MMP26: variants seen among roughly 807,000 people sequenced by gnomAD.
MMP26 encodes matrix metalloproteinase-26.
MMP26 carries 33 observed loss-of-function variants against 31.0 expected under a neutral mutation model. The ratio of observed to expected loss-of-function variants is 1.06; its 90% CI spans 0.81 to 1.42. The LOEUF (loss-of-function observed/expected upper bound fraction) is 1.42. MMP26 is among the 40% of genes most tolerant of loss of function. The probability of loss-of-function intolerance (pLI) is 0.00; values close to 1 mark genes in which losing one functional copy is unlikely to be tolerated. For missense variants in MMP26, 347 were observed against 316.1 expected, an observed-to-expected ratio of 1.10 and a Z score of -0.74; for synonymous variants, 122 against 114.9, an observed-to-expected ratio of 1.06 and a Z score of -0.40.
intron 2 of MMP26, among the ~76,000 whole-genome samples, chr11:4,869,041 C>T (rs1249552319): frequency 6.6e-6 from 1 of 152,170 alleles, no homozygotes; most frequent in Non-Finnish European, 1.5e-5. Context: ...CTGGATCCTT[C>T]CTTACACCTT....
chr11:4,933,311 C>T (rs185091250), intron 2 of MMP26, among the ~76,000 whole-genome samples: 3 of 151,912 alleles, frequency 2.0e-5, no homozygotes, highest in Admixed American at 6.6e-5. Context: ...TGCTCGCAAC[C>T]GGTATGAAGT....
chr11:4,791,818 C>T (rs74908490), intron 2 of MMP26, among the ~76,000 whole-genome samples: 6,723 of 152,086 alleles, frequency 0.044, 222 homozygotes, highest in South Asian at 0.073. Context: ...TCTTTTTTCT[C>T]AGATTCCTGC....
intron 1 of MMP26, among the ~76,000 whole-genome samples, chr11:4,743,190 G>C (rs1056324154): frequency 2.0e-5 from 3 of 152,108 alleles, no homozygotes; most frequent in Non-Finnish European, 2.9e-5. Context: ...GCTGTATACT[G>C]TCACTGTCCC....
At chr11:4,962,766 G>T (rs1235344446) in intron 2 of MMP26, among the ~76,000 whole-genome samples, 1 of 152,144 alleles carries the variant, frequency 6.6e-6, no homozygotes, top group Admixed American at 6.5e-5. Flanking sequence ...GACAAGTTGG[G>T]GTACTGGCAT....
chr11:4,926,953 T>C (rs1456597029), intron 2 of MMP26, among the ~76,000 whole-genome samples: 2 of 152,178 alleles, frequency 1.3e-5, no homozygotes, highest in African/African-American at 4.8e-5. Flanking sequence ...TAGTTTTTAG[T>C]GCAGCTATTG....
intron 2 of MMP26, chr11:4,863,523 C>T (rs1850193389): frequency 6.6e-6 from 1 of 152,148 alleles, no homozygotes; most frequent in Non-Finnish European, 1.5e-5. Context: ...TGTAGAATTT[C>T]ATCAGGATTT....
At chr11:4,836,016 A>G (rs1849714695) in intron 2 of MMP26, among the ~76,000 whole-genome samples, 1 of 152,090 alleles carries the variant, frequency 6.6e-6, no homozygotes, top group African/African-American at 2.4e-5. Flanking sequence ...TTAAGCAAAT[A>G]ATTTTATTGG....
intron 1 of MMP26, chr11:4,710,552 T>G (rs992069215): frequency 3.4e-5 from 13 of 385,132 alleles, no homozygotes; most frequent in African/African-American, 2.7e-4. Flanking sequence ...AAGTCTTCCC[T>G]GACCCATGTT....
intron 1 of MMP26, among the ~76,000 whole-genome samples, chr11:4,728,352 C>G (rs952484816): frequency 1.2e-4 from 18 of 152,204 alleles, no homozygotes; most frequent in African/African-American, 4.3e-4. Flanking sequence ...AGCTGAGTCC[C>G]TCTCTAGAAA....
chr11:4,709,529 A>G, intron 1 of MMP26: 1 of 398,544 alleles, frequency 2.5e-6, no homozygotes, highest in Non-Finnish European at 5.0e-6. Context: ...ATTACAGGAC[A>G]TAGTTCTTTT....
At chr11:4,793,944 A>G (rs1849067486) in intron 2 of MMP26, 1 of 152,218 alleles carries the variant, frequency 6.6e-6, no homozygotes, top group African/African-American at 2.4e-5. Context: ...GGAGTAGAAT[A>G]CTGAGATGTG....
At chr11:4,881,058 G>A (rs1850454127) in intron 2 of MMP26, among the ~76,000 whole-genome samples, 2 of 152,144 alleles carry the variant, frequency 1.3e-5, no homozygotes, top group Non-Finnish European at 2.9e-5. Context: ...TGTACCTGAA[G>A]AGAGAAAGCA....
intron 1 of MMP26, among the ~76,000 whole-genome samples, chr11:4,727,046 G>T (rs149725974): frequency 7.9e-5 from 12 of 151,722 alleles, no homozygotes; most frequent in East Asian, 3.9e-4. Context: ...ACAAAAATCC[G>T]TAAAAAACAA....
chr11:4,936,999 A>AT (rs981598395), intron 2 of MMP26, among the ~76,000 whole-genome samples: 4 of 152,112 alleles, frequency 2.6e-5, no homozygotes, highest in African/African-American at 4.8e-5. Context: ...CTTACTAGGC[A>AT]TTTTTTTGCT....
At chr11:4,754,096 A>AT (rs371054284) in intron 1 of MMP26, among the ~76,000 whole-genome samples, 4,686 of 141,774 alleles carry the variant, frequency 0.033, 185 homozygotes, top group African/African-American at 0.089. Context: ...TAAAAGAGAG[A>AT]TTTTTTTTTT....
intron 1 of MMP26, among the ~76,000 whole-genome samples, chr11:4,751,379 G>A (rs1564901036): frequency 6.6e-6 from 1 of 152,044 alleles, no homozygotes; most frequent in Non-Finnish European, 1.5e-5. Flanking sequence ...TATGAGGAGA[G>A]AACAAATATC....
At chr11:4,746,878 A>AC (rs1848389339) in intron 1 of MMP26, among the ~76,000 whole-genome samples, 4 of 127,188 alleles carry the variant, frequency 3.1e-5, no homozygotes, top group Admixed American at 1.7e-4. Flanking sequence ...CACACACACA[A>AC]AGGCTATACA....
At chr11:4,765,061 T>G (rs919850998) in intron 1 of MMP26, among the ~76,000 whole-genome samples, 1 of 152,164 alleles carries the variant, frequency 6.6e-6, no homozygotes, top group East Asian at 1.9e-4. Flanking sequence ...GGCTTCTCCT[T>G]GTAACTCCTT....
chr11:4,908,082 A>G (rs147651359), intron 2 of MMP26: 6 of 1,614,074 alleles, frequency 3.7e-6, no homozygotes, highest in Non-Finnish European at 5.1e-6. Flanking sequence ...AAGGCCCTAA[A>G]TACCTGTGTC....
Sources: allele counts gnomAD v4.1 joint callset (sites outside exome capture counted in the v4.1 genomes callset), GRCh38; gene constraint gnomAD v4.1.1; transcripts MANE v1.5; gene names NCBI Gene and HGNC (gene_info 2026-07-23, HGNC 2026-07-21).